DENND4B: variants seen among roughly 807,000 people sequenced by gnomAD.
DENND4B encodes the protein DENN domain containing 4B.
DENND4B carries 67 observed loss-of-function variants against 161.0 expected under a neutral mutation model. The observed-to-expected ratio is 0.42, with a 90% CI of 0.34 to 0.51. The LOEUF (loss-of-function observed/expected upper bound fraction) is 0.51, where lower values mean the gene tolerates loss of function less well. DENND4B is among the 20% of genes least tolerant of loss of function. The pLI is 0.08. For missense variants in DENND4B, 1,481 were observed against 1,968.0 expected, an observed-to-expected ratio of 0.75 and a Z score of 4.68; for synonymous variants, 753 against 813.8, an observed-to-expected ratio of 0.93 and a Z score of 1.27.
At position 153,933,031 on chromosome 1, in the gene DENND4B, CTG is replaced by C; in HGVS notation, c.3454-3_3454-2del. On this transcript the variant is annotated splice_acceptor_variant and splice_polypyrimidine_tract_variant and intron_variant, in intron 21 of 27. Coordinates refer to ENST00000361217, the MANE Select transcript of DENND4B (RefSeq NM_014856.3). LOFTEE classifies it high-confidence loss of function. This position sits in a 1 kb window ranked among gnomAD's most constrained non-coding sequence, Gnocchi z 5.7. Reference sequence around the variant, plus strand: ...ACAGGGAGCAGCTGGACAGCAGAATCTGTGGGCAGGGAGAGTCGGGAAGTAGG... The same window carrying C: ...ACAGGGAGCAGCTGGACAGCAGAATCTGGGCAGGGAGAGTCGGGAAGTAGG... 3 of 1,613,392 alleles carry C rather than the reference CTG, an allele frequency of 1.9e-6. No individual in the cohort carries two copies. The highest frequency in any genetic ancestry group is 2.5e-6 in the Non-Finnish European group (3 of 1,179,500).
chr1:153,942,217 G>T lies in DENND4B; in HGVS notation c.780C>A (p.Thr260=), dbSNP rs538600672. ...CACCAGCTGCACCCGTGAGCACAAA[G>T]GTGGAGAAGACGGGCACGGGGTACT... is the stretch of plus-strand genomic sequence containing the variant. The part of the protein sequence containing the change: ...QTKYPVPVFS[T]FVLTGAAGDK... Residue 260 remains threonine, a synonymous_variant, in exon 5 of 28, where the codon ACC becomes ACA. Coordinates refer to ENST00000361217, the MANE Select transcript of DENND4B (RefSeq NM_014856.3). The surrounding 1 kb of genome is among the most constrained non-coding windows in gnomAD (Gnocchi z 6.9). 6.2e-7 allele frequency: 1 copy of T among 1,613,980 alleles called. No individual in the cohort carries two copies. Among genetic ancestry groups the T allele is most frequent in the Non-Finnish European group, 8.5e-7 (1 of 1,179,876 alleles).
intron 17 of DENND4B, chr1:153,935,791 A>C: frequency 2.6e-6 from 1 of 387,892 alleles, no homozygotes; most frequent in Non-Finnish European, 4.8e-6. Context: ...AAAATGATGT[A>C]AAATGTGTGA....
rs751633261 is a variant in DENND4B at position 153,941,877 on chromosome 1, G to C, written c.1047C>G (p.Pro349=). ...RYSVSGPHRL[P]LEAHISHFIH... ...AGAGGAGCCATGCTCACGCTTCCAA[G>C]GGTAGGCGGTGGGGGCCTGAGACGG... Residue 349 remains proline, a synonymous_variant, in exon 6 of 28, where the codon CCC becomes CCG. Coordinates refer to ENST00000361217, the MANE Select transcript of DENND4B (RefSeq NM_014856.3). 6.2e-7 allele frequency: 1 copy of C among 1,611,466 alleles called. No homozygotes were observed. The highest frequency in any genetic ancestry group is 8.5e-7 in the Non-Finnish European group (1 of 1,179,670).
At position 153,937,773 on chromosome 1, in the gene DENND4B, G is replaced by A; in HGVS notation, c.2056C>T (p.Pro686Ser). The A allele has an allele frequency of 2.5e-6, 4 of 1,614,020 alleles. No individual in the cohort carries two copies. The highest frequency in any genetic ancestry group is 2.5e-6 in the Non-Finnish European group (3 of 1,179,892). Residue 686 changes from proline to serine, a missense_variant, in exon 14 of 28, where the codon CCC becomes TCC. This residue lies in a region of DENND4B where 806 missense variants were observed against 1,134.4 expected (regional missense o/e 0.71). Coordinates refer to ENST00000361217, the MANE Select transcript of DENND4B (RefSeq NM_014856.3). This position sits in a 1 kb window ranked among gnomAD's most constrained non-coding sequence, Gnocchi z 4.7. The stretch of plus-strand genomic sequence containing the variant: ...CCCTCTGGTAAGGCAGGCTCCTCGG[G>A]AGGTGTGATAAAGACAGTGAGCTCA... ...GSELTVFITPPEEPALPEGSE... is the reference protein window; with the variant it reads ...GSELTVFITPSEEPALPEGSE...
At chr1:153,945,370 G>A in intron 1 of DENND4B, 1 of 343,688 alleles carries the variant, frequency 2.9e-6, no homozygotes, top group Non-Finnish European at 5.8e-6. Flanking sequence ...GGTTACCATT[G>A]AAGGTGCCAG....
Position 153,932,418 on chromosome 1 carries a change from C to A in DENND4B, c.3782G>T (p.Ser1261Ile). Residue 1261 changes from serine (S) to isoleucine (I), a missense_variant, in exon 24 of 28, where the codon AGT (serine) becomes ATT (isoleucine). Physicochemically the swap from Ser to Ile is moderately radical, Grantham distance 142. Coordinates refer to ENST00000361217, the MANE Select transcript of DENND4B (RefSeq NM_014856.3). This position sits in a 1 kb window ranked among gnomAD's most constrained non-coding sequence, Gnocchi z 5.8. ...GGGGCTCAGGTATGCCCATGCCCCA[C>A]TCTCAACCCGCCGGGAGGCTCCCTA... ...HMGGASRRVE[S>I]GAWAYLSPLV... The A allele has an allele frequency of 6.2e-7, 1 of 1,611,578 alleles. No individual in the cohort carries two copies. Among genetic ancestry groups the A allele is most frequent in the South Asian group, 1.1e-5 (1 of 90,684 alleles).
chr1:153,932,186 CCACATGGGGG>C lies in DENND4B; in HGVS notation c.3996+8_3996+17del, dbSNP rs1678996150. The C allele has an allele frequency of 1.9e-6, 3 of 1,605,204 alleles. No individual in the cohort carries two copies. The highest frequency in any genetic ancestry group is 2.6e-6 in the Non-Finnish European group (3 of 1,173,948). On this transcript the variant is annotated splice_region_variant and intron_variant, in intron 24 of 27. Transcript: ENST00000361217. The surrounding 1 kb of genome is among the most constrained non-coding windows in gnomAD (Gnocchi z 5.8). The stretch of plus-strand genomic sequence containing the variant: ...GAGGGAGGCACTTAGGAAACAGGGG[CCACATGGGGG>C]CACTGACCTGGGAGTGCGAAGGCCC...
At position 153,930,466 on chromosome 1, in the gene DENND4B, C is replaced by T; in HGVS notation, c.4346-24G>A. On this transcript the variant is annotated intron_variant, in intron 27 of 27. Coordinates refer to ENST00000361217, the MANE Select transcript of DENND4B (RefSeq NM_014856.3). The surrounding 1 kb of genome is among the most constrained non-coding windows in gnomAD (Gnocchi z 4.7). Reference sequence around the variant, plus strand: ...CACTAGGGAAGAAGGTGGAAGTCAACATGTTAGGACCGCAGCCTCCCACAC... The same window carrying T: ...CACTAGGGAAGAAGGTGGAAGTCAATATGTTAGGACCGCAGCCTCCCACAC... 6.2e-7 allele frequency: 1 copy of T among 1,613,902 alleles called. No individual in the cohort carries two copies. Among genetic ancestry groups the T allele is most frequent in the Non-Finnish European group, 8.5e-7 (1 of 1,179,790 alleles).
chr1:153,941,070 G>C, intron 8 of DENND4B, 22 bp from the exon 9 acceptor site: 1 of 1,552,660 alleles, frequency 6.4e-7, no homozygotes, highest in Non-Finnish European at 8.7e-7. Flanking sequence ...GCCGAGGTGG[G>C]GAAAGGGTCA....
At position 153,936,793 on chromosome 1, in the gene DENND4B, C is replaced by A; in HGVS notation, c.2233-45G>T. 7.0e-7 allele frequency: 1 copy of A among 1,432,978 alleles called. No individual in the cohort carries two copies. Among genetic ancestry groups the A allele is most frequent in the South Asian group, 1.5e-5 (1 of 67,876 alleles). 88.8% of individuals were successfully genotyped at this position (1,432,978 alleles called of 1,614,324 possible). On this transcript the variant is annotated intron_variant, in intron 15 of 27. Coordinates refer to ENST00000361217, the MANE Select transcript of DENND4B (RefSeq NM_014856.3). This position sits in a 1 kb window ranked among gnomAD's most constrained non-coding sequence, Gnocchi z 4.1. ...CATCAGGGTGAGTACAATGCCAGGT[C>A]TTTCTTACTTATCTATTTATTTATT...
At position 153,942,940 on chromosome 1, in the gene DENND4B, T is replaced by G. The variant is rs781596651; in HGVS notation, c.508A>C (p.Ser170Arg). ...GITDLCLVLP[S>R]KGEGTPHTYC... Reference sequence around the variant, plus strand: ...GTATGAGGAGTGCCCTCGCCCTTACTGGGCAGCACCAGGCAGAGGTCAGTG... The same window carrying G: ...GTATGAGGAGTGCCCTCGCCCTTACGGGGCAGCACCAGGCAGAGGTCAGTG... The change falls in exon 3 of 28, where the codon AGT becomes CGT. Residue 170 changes from serine (S) to arginine (R), a missense_variant. Physicochemically the swap from Ser to Arg is moderately radical, Grantham distance 110. This residue lies in a region of DENND4B where 806 missense variants were observed against 1,134.4 expected (regional missense o/e 0.71). Transcript: ENST00000361217. This position sits in a 1 kb window ranked among gnomAD's most constrained non-coding sequence, Gnocchi z 6.9. 1 of 1,613,160 alleles carries G rather than the reference T, an allele frequency of 6.2e-7. No individual in the cohort carries two copies. The highest frequency in any genetic ancestry group is 8.5e-7 in the Non-Finnish European group (1 of 1,179,276).
Position 153,946,361 on chromosome 1 carries a change from G to T in DENND4B, c.-84C>A. On this transcript the variant is annotated 5_prime_UTR_variant, in exon 1 of 28. Coordinates refer to ENST00000361217, the MANE Select transcript of DENND4B (RefSeq NM_014856.3). This position sits in a 1 kb window ranked among gnomAD's most constrained non-coding sequence, Gnocchi z 6.3. ...GGGTGGCTCGGAGGGCGAGCTGGCG[G>T]GCCGGCGGGCGGCGGGGCTACCCGG... 2.7e-6 allele frequency: 1 copy of T among 376,676 alleles called. No individual in the cohort carries two copies. Among genetic ancestry groups the T allele is most frequent in the South Asian group, 1.3e-4 (1 of 7,690 alleles). 23.3% of individuals were successfully genotyped at this position (376,676 alleles called of 1,614,324 possible).
chr1:153,935,719 C>T (rs1679292940), intron 17 of DENND4B: 5 of 280,012 alleles, frequency 1.8e-5, no homozygotes, highest in Middle Eastern at 1.3e-3. Flanking sequence ...TCTACAACCT[C>T]ATCTCCTCTT....
chr1:153,937,560 T>C lies in DENND4B; in HGVS notation c.2160A>G (p.Gln720=). The change falls in exon 15 of 28, where the codon CAA becomes CAG. Residue 720 remains glutamine, a synonymous_variant. Coordinates refer to ENST00000361217, the MANE Select transcript of DENND4B (RefSeq NM_014856.3). The surrounding 1 kb of genome is among the most constrained non-coding windows in gnomAD (Gnocchi z 4.7). ...GGCCTGGCACAGGCAGGGCCCCAGG[T>C]TGCTCTTGAAGAGACTCAAACAACT... ...RAELFESLQE[Q]PGALPVPGPS... is the part of the protein sequence containing the mutation. The C allele has an allele frequency of 1.2e-6, 2 of 1,612,982 alleles. No individual in the cohort carries two copies. The highest frequency in any genetic ancestry group is 8.5e-7 in the Non-Finnish European group (1 of 1,179,456).
In DENND4B at chr1:153,932,908, G is replaced by A; in HGVS notation, c.3576C>T (p.Cys1192=). ...GGACACTGAGCAGGGGCACAAAGGG[G>A]CAGGCGCAGAAGGGGCAGGTTGTGT... ...NLNTTCPFCA[C]PFVPLLSVQT... Residue 1192 remains cysteine, a synonymous_variant, in exon 22 of 28, where the codon TGC becomes TGT. Coordinates refer to ENST00000361217, the MANE Select transcript of DENND4B (RefSeq NM_014856.3). The surrounding 1 kb of genome is among the most constrained non-coding windows in gnomAD (Gnocchi z 5.8). The A allele has an allele frequency of 6.2e-7, 1 of 1,614,044 alleles. No homozygotes were observed. The highest frequency in any genetic ancestry group is 1.1e-5 in the South Asian group (1 of 91,084).
At position 153,939,636 on chromosome 1, in the gene DENND4B, G is replaced by A. The variant is rs1159939673; in HGVS notation, c.1772C>T (p.Ala591Val). 6.2e-7 allele frequency: 1 copy of A among 1,613,502 alleles called. No homozygotes were observed. Among genetic ancestry groups the A allele is most frequent in the Non-Finnish European group, 8.5e-7 (1 of 1,179,570 alleles). Residue 591 changes from alanine to valine, a missense_variant, in exon 12 of 28, where the codon GCC becomes GTC. Physicochemically the swap from Ala to Val is moderately conservative, Grantham distance 64. Around this residue, in one of 3 missense-constraint regions of DENND4B, gnomAD observed 806 missense variants for 1,134.4 expected, o/e 0.71. Coordinates refer to ENST00000361217, the MANE Select transcript of DENND4B (RefSeq NM_014856.3). ...YRVFLRPLTQ[A>V]PSEGARDVDN... is the part of the protein sequence containing the mutation. Reference sequence around the variant, plus strand: ...AACATCACGAGCTCCCTCGGAGGGGGCCTGGGTGAGTGGGCGCAGGAAGAC... The same window carrying A: ...AACATCACGAGCTCCCTCGGAGGGGACCTGGGTGAGTGGGCGCAGGAAGAC...
At position 153,930,265 on chromosome 1, in the gene DENND4B, C is replaced by T. The variant is rs1242086832; in HGVS notation, c.*32G>A. On this transcript the variant is annotated 3_prime_UTR_variant, in exon 28 of 28. Coordinates refer to ENST00000361217, the MANE Select transcript of DENND4B (RefSeq NM_014856.3). This position sits in a 1 kb window ranked among gnomAD's most constrained non-coding sequence, Gnocchi z 4.7. ...TAGAATCCCTTCTTCCTCACTTCCC[C>T]ACCCTAGGCTGGAGAGGGAAGCTTA... 6.3e-7 allele frequency: 1 copy of T among 1,599,042 alleles called. No individual in the cohort carries two copies. Among genetic ancestry groups the T allele is most frequent in the East Asian group, 2.2e-5 (1 of 44,514 alleles).
At position 153,942,427 on chromosome 1, in the gene DENND4B, A is replaced by G. The variant is rs1679726211; in HGVS notation, c.641-71T>C. 6.3e-7 allele frequency: 1 copy of G among 1,580,460 alleles called. No homozygotes were observed. The highest frequency in any genetic ancestry group is 1.1e-5 in the South Asian group (1 of 87,756). On this transcript the variant is annotated intron_variant, in intron 4 of 27. Transcript: ENST00000361217. The surrounding 1 kb of genome is among the most constrained non-coding windows in gnomAD (Gnocchi z 6.9). ...ATCAGACTCCAAGGGAAATGAACCA[A>G]GGGATCCCAGAGAAGGCCCGAGTAG...
Position 153,934,418 on chromosome 1 carries a change from A to G in DENND4B, c.2774-116T>C. 8 of 1,348,882 alleles carry G rather than the reference A, an allele frequency of 5.9e-6. No homozygotes were observed. The African/African-American group carries it at 7.4e-5, about 13-fold the overall frequency. The allele number at this position is 1,348,882 out of a possible 1,614,324, so 83.6% of individuals were successfully genotyped here. A position where few individuals can be genotyped will look rare whatever the true frequency, so the allele number is the denominator to read the frequency against. On this transcript the variant is annotated intron_variant, in intron 18 of 27. Transcript: ENST00000361217. The surrounding 1 kb of genome is among the most constrained non-coding windows in gnomAD (Gnocchi z 5.3). ...CAGGGTTCCTCCCAGGCAAAACTTT[A>G]TCCGTTTTGTGTTTGTTTGTTTGTT...
Sources: gnomAD v4.1 joint callset for allele counts on GRCh38, gnomAD v4.1.1 for gene constraint, gnomAD v4.1.1 regional missense constraint, Gnocchi (gnomAD v3.1) non-coding constraint, MANE v1.5 for transcripts, NCBI Gene and HGNC (gene_info 2026-07-23, HGNC 2026-07-21) for gene names.